The following OTOGL variants were observed in gnomAD, a reference collection of about 807,000 sequenced individuals.
OTOGL encodes otogelin like, also known as otogelin-like protein.
OTOGL carries 285 observed loss-of-function variants against 318.5 expected under a neutral mutation model. The ratio of observed to expected loss-of-function variants is 0.89; its 90% confidence interval spans 0.81 to 0.99. The LOEUF is 0.99. OTOGL is among the 50% of genes least tolerant of loss of function. The pLI is 0.00. For synonymous variants in OTOGL, 987 were observed against 936.5 expected (o/e 1.05, Z -0.99); for missense variants, 2,899 against 2,845.6 (o/e 1.02, Z -0.43).
chr12:80,364,202 G>T (rs1212683849), intron 52 of OTOGL, among the ~76,000 whole-genome samples: 1 of 152,038 alleles, frequency 6.6e-6, no homozygotes, highest in Non-Finnish European at 1.5e-5. Context: ...CTTCATCCAT[G>T]ATGATCTAGT....
chr12:80,204,591 C>T (rs1276188579), intron 1 of OTOGL, among the ~76,000 whole-genome samples: 2 of 151,858 alleles, frequency 1.3e-5, no homozygotes, highest in Non-Finnish European at 2.9e-5. Flanking sequence ...AAAATAAAAG[C>T]GTGTAATTTT....
At chr12:80,236,147 C>G (rs887917117) in intron 9 of OTOGL, among the ~76,000 whole-genome samples, 3 of 152,124 alleles carry the variant, frequency 2.0e-5, no homozygotes, top group African/African-American at 7.2e-5. Flanking sequence ...TTAGACTTGT[C>G]AGAATTTCTG....
chr12:80,337,084 A>C (rs1565994768), intron 42 of OTOGL, 80 bp downstream of exon 42: 1 of 1,044,030 alleles, frequency 9.6e-7, no homozygotes, highest in East Asian at 2.6e-5. Context: ...TAAGAGGGAA[A>C]ATTAAGCATA....
rs542299334 is a variant in OTOGL, at chr12:80,235,620, T to C, written c.817+2523T>C. 7.2e-5 allele frequency among the ~76,000 whole-genome samples: 11 copies of C among 152,286 alleles called. No homozygotes were observed. The South Asian group carries it at 1.4e-3, about 20-fold the overall frequency. On this transcript the variant is annotated intron_variant, in intron 9 of 58. Coordinates refer to ENST00000547103, the MANE Select transcript of OTOGL (RefSeq NM_001378609.3). ...TTGAGTTAAGGGCCAGACAGACTTATATGTTCCAGATAACCTGGAACATAA... is the reference window on the plus strand; with the variant it reads ...TTGAGTTAAGGGCCAGACAGACTTACATGTTCCAGATAACCTGGAACATAA...
chr12:80,179,203 G>C (rs1391502153), intron 1 of OTOGL, among the ~76,000 whole-genome samples: 1 of 152,184 alleles, frequency 6.6e-6, no homozygotes, highest in Non-Finnish European at 1.5e-5. Flanking sequence ...TTTCTTATTA[G>C]TGTGCTCACA....
intron 16 of OTOGL, 78 bp from the exon 17 acceptor site, chr12:80,256,259 C>T: frequency 6.9e-7 from 1 of 1,442,402 alleles, no homozygotes. Context: ...TCCCTTTCTC[C>T]CATCTCCACC....
At chr12:80,126,854 G>A (rs1870878262) in intron 1 of OTOGL, among the ~76,000 whole-genome samples, 1 of 152,122 alleles carries the variant, frequency 6.6e-6, no homozygotes, top group South Asian at 2.1e-4. Context: ...CAGAGAACTA[G>A]GATTGCAACC....
chr12:80,215,619 G>A (rs182384434), intron 4 of OTOGL, among the ~76,000 whole-genome samples: 15 of 152,282 alleles, frequency 9.9e-5, no homozygotes, highest in Admixed American at 7.2e-4. Context: ...TGTTCAAGGC[G>A]ATAGGCCCTA....
intron 44 of OTOGL, among the ~76,000 whole-genome samples, chr12:80,344,831 GC>G (rs35270847): frequency 0.53 from 79,281 of 150,636 alleles, 22,774 homozygotes; most frequent in East Asian, 0.73. Context: ...GGAACATCTT[GC>G]TTTTATATTT....
At chr12:80,248,524 C>A (rs1230529940) in intron 11 of OTOGL, among the ~76,000 whole-genome samples, 2 of 132,626 alleles carry the variant, frequency 1.5e-5, no homozygotes, top group African/African-American at 3.2e-5. Flanking sequence ...GGGTTTCTGC[C>A]GAGAGATCCG....
chr12:80,134,529 T>C lies in OTOGL; in HGVS notation c.-20+34924T>C, dbSNP rs78696828. Among the ~76,000 whole-genome samples the C allele has an allele frequency of 7.3e-3, 1,118 of 152,320 alleles. 15 individuals are homozygous for C. Among genetic ancestry groups the C allele is most frequent in the African/African-American group, 0.026 (1,068 of 41,570 alleles). On this transcript the variant is annotated intron_variant, in intron 1 of 58. Coordinates refer to ENST00000547103, the MANE Select transcript of OTOGL (RefSeq NM_001378609.3). The stretch of plus-strand genomic sequence containing the variant: ...ATTTTGGTATCCTCCACTCACAGTT[T>C]TATGTTTTTGCACAAAATATGTCTT...
chr12:80,156,418 T>A (rs1873120463), intron 1 of OTOGL, among the ~76,000 whole-genome samples: 2 of 152,208 alleles, frequency 1.3e-5, no homozygotes, highest in Admixed American at 6.5e-5. Context: ...CGTTTATATA[T>A]ACATCTATCC....
chr12:80,378,023 T>C lies in OTOGL; in HGVS notation c.7037T>C (p.Ile2346Thr), dbSNP rs1891267979. ...ATTATGTACACTCTCCAGGAACCCATAGACTGTACGTGCCAGTGGAATTAA... is the reference window on the plus strand; with the variant it reads ...ATTATGTACACTCTCCAGGAACCCACAGACTGTACGTGCCAGTGGAATTAA... ...TEIMYTLQEP[I>T]DCTCQWN The change falls in exon 59 of 59, where the codon ATA (isoleucine) becomes ACA (threonine). Residue 2346 changes from isoleucine to threonine, a missense_variant. By Grantham distance (89) the Ile-to-Thr change is moderately conservative. Coordinates refer to ENST00000547103, the MANE Select transcript of OTOGL (RefSeq NM_001378609.3). 1.1e-5 allele frequency: 17 copies of C among 1,587,454 alleles called. No individual in the cohort carries two copies. Among genetic ancestry groups the C allele is most frequent in the Non-Finnish European group, 1.4e-5 (16 of 1,164,486 alleles).
At chr12:80,272,875 G>A (rs1336375026) in intron 24 of OTOGL, among the ~76,000 whole-genome samples, 1 of 151,970 alleles carries the variant, frequency 6.6e-6, no homozygotes, top group Non-Finnish European at 1.5e-5. Context: ...AATAAAGACA[G>A]GTAGAAATAA....
chr12:80,104,356 T>C (rs955907113), intron 1 of OTOGL, among the ~76,000 whole-genome samples: 3 of 152,208 alleles, frequency 2.0e-5, no homozygotes, highest in Admixed American at 6.5e-5. Context: ...TCTCAACCCT[T>C]ATTGCTCATT....
intron 1 of OTOGL, among the ~76,000 whole-genome samples, chr12:80,196,781 A>G (rs368267586): frequency 3.9e-5 from 6 of 152,294 alleles, no homozygotes; most frequent in Admixed American, 6.5e-5. Context: ...CTGATGATTT[A>G]GGGCTCTATA....
At chr12:80,171,511 TTTTTA>T (rs1330349137) in intron 1 of OTOGL, among the ~76,000 whole-genome samples, 2 of 152,238 alleles carry the variant, frequency 1.3e-5, no homozygotes, top group African/African-American at 2.4e-5. Flanking sequence ...TCTTTTTGAT[TTTTTA>T]TTTTGTTTCA....
chr12:80,294,932 T>A (rs1216520489), intron 26 of OTOGL, among the ~76,000 whole-genome samples: 1 of 151,894 alleles, frequency 6.6e-6, no homozygotes, highest in African/African-American at 2.4e-5. Context: ...TACAAAAAAA[T>A]TTTAAAAATT....
intron 1 of OTOGL, among the ~76,000 whole-genome samples, chr12:80,138,273 G>T (rs1592485195): frequency 6.6e-6 from 1 of 151,992 alleles, no homozygotes; most frequent in African/African-American, 2.4e-5. Context: ...GTTCCAATTG[G>T]TTGATACGAT....
Sources: gnomAD v4.1 joint callset for allele counts (sites outside exome capture counted in the v4.1 genomes callset) on GRCh38, gnomAD v4.1.1 for gene constraint, MANE v1.5 for transcripts, NCBI Gene and HGNC (gene_info 2026-07-23, HGNC 2026-07-21) for gene names.